The following POP5 variants were observed in gnomAD, a reference collection of about 807,000 sequenced individuals.
POP5 encodes POP5 ribonuclease P/MRP subunit, also known as ribonuclease P/MRP protein subunit POP5.
Under a neutral mutation model 20.7 loss-of-function variants are expected in POP5, and 18 were observed. That is an observed-to-expected ratio of 0.87 (90% CI 0.60 to 1.29). POP5 has a LOEUF of 1.29. POP5 is among the 50% of genes most tolerant of loss of function. The pLI is 0.00. For synonymous variants in POP5, 91 were observed against 78.0 expected (o/e 1.17, Z -0.88); for missense variants, 200 against 203.2 (o/e 0.98, Z 0.10).
At chr12:120,580,517 G>T in intron 2 of POP5, 1 of 153,950 alleles carries the variant, frequency 6.5e-6, no homozygotes, top group Non-Finnish European at 1.4e-5. Flanking sequence ...TACTGCATTT[G>T]GGCTCCGTAA....
rs758136679 is a variant in POP5 at position 120,579,350 on chromosome 12, ACTC to A, written c.457_459del (p.Glu153del). 3.8e-5 allele frequency: 61 copies of A among 1,585,060 alleles called. No individual in the cohort carries two copies. Among genetic ancestry groups the A allele is most frequent in the South Asian group, 3.6e-4 (33 of 90,414 alleles). Reference sequence around the variant, plus strand: ...ATTGCTTCTGCAGCCTCCTCACCTGACTCCTCCTCCTCCTCTAATAAGCAGCTT... The same window carrying A: ...ATTGCTTCTGCAGCCTCCTCACCTGACTCCTCCTCCTCTAATAAGCAGCTT... On this transcript the variant is annotated inframe_deletion, in exon 5 of 5. Transcript: ENST00000357500.
At chr12:120,579,706 A>C (rs1877758878) in intron 3 of POP5, 68 bp downstream of exon 3, 27 of 1,551,220 alleles carry the variant, frequency 1.7e-5, no homozygotes, top group Non-Finnish European at 2.4e-5. Context: ...AGACCCACCC[A>C]CCAGTTTAGA....
Sources: gnomAD v4.1 joint callset for allele counts on GRCh38, gnomAD v4.1.1 for gene constraint, MANE v1.5 for transcripts, NCBI Gene and HGNC (gene_info 2026-07-23, HGNC 2026-07-21) for gene names.